Variants in PKD1L1 observed in about 807,000 individuals in gnomAD.
PKD1L1 encodes the protein polycystin 1 like 1, transient receptor potential channel interacting.
In PKD1L1, 236 loss-of-function variants were observed where a neutral mutation model predicts 323.4. The observed-to-expected ratio is 0.73, with a 90% CI of 0.66 to 0.81. The LOEUF (loss-of-function observed/expected upper bound fraction) is 0.81, where lower values mean the gene tolerates loss of function less well. PKD1L1 is among the 40% of genes least tolerant of loss of function. The pLI is 0.00. For synonymous variants in PKD1L1, 1,344 were observed against 1,335.0 expected (o/e 1.01, Z -0.15); for missense variants, 3,320 against 3,508.0 (o/e 0.95, Z 1.35).
intron 56 of PKD1L1, among the ~76,000 whole-genome samples, chr7:47,783,721 C>G (rs1472034064): frequency 6.6e-6 from 1 of 152,198 alleles, no homozygotes; most frequent in Non-Finnish European, 1.5e-5. Flanking sequence ...GATCCTTCAC[C>G]AGGGCCTTCA....
chr7:47,812,129 T>C, intron 49 of PKD1L1, 78 bp from the exon 50 acceptor site: 1 of 1,232,338 alleles, frequency 8.1e-7, no homozygotes, highest in East Asian at 2.5e-5. Context: ...CAGCTGCAGG[T>C]CCCATGCTGG....
At chr7:47,842,843 C>T in intron 34 of PKD1L1, 119 bp downstream of exon 34, 1 of 964,668 alleles carries the variant, frequency 1.0e-6, no homozygotes, top group Non-Finnish European at 1.5e-6. Flanking sequence ...TTTGCCTCAG[C>T]AATGAGATGA....
At chr7:47,943,570 A>T in intron 1 of PKD1L1, 59 bp from the exon 2 acceptor site, 1 of 1,282,872 alleles carries the variant, frequency 7.8e-7, no homozygotes, top group South Asian at 1.2e-5. Flanking sequence ...TTAATCACAG[A>T]CATCCTGTGA....
chr7:47,960,373 A>ACTGT, the PKD1L1 span, among the ~76,000 whole-genome samples: 89 of 70,436 alleles, frequency 1.3e-3, no homozygotes, highest in African/African-American at 4.9e-3. Flanking sequence ...CAATAAAAAA[A>ACTGT]AATTAAAAAA....
chr7:47,897,386 G>A (rs183777024), intron 14 of PKD1L1, among the ~76,000 whole-genome samples: 13 of 152,330 alleles, frequency 8.5e-5, no homozygotes, highest in African/African-American at 2.9e-4. Flanking sequence ...ACCAGGTTCT[G>A]CTCATTATCC....
rs56742103 is a variant in PKD1L1 at position 47,880,167 on chromosome 7, T to TAG, written c.3520+559_3520+560dup. On this transcript the variant is annotated intron_variant, in intron 21 of 56. Coordinates refer to ENST00000289672, the MANE Select transcript of PKD1L1 (RefSeq NM_138295.5). ...CAATAACACCTTTCTAGGGTTTAAATAGAGAGAGAGAGAGAGAGAGAGATT... is the reference window on the plus strand; with the variant it reads ...CAATAACACCTTTCTAGGGTTTAAATAGAGAGAGAGAGAGAGAGAGAGAGATT... Among the ~76,000 whole-genome samples the TAG allele has an allele frequency of 2.1e-3, 282 of 133,146 alleles. 2 individuals are homozygous for TAG. Among genetic ancestry groups the TAG allele is most frequent in the South Asian group, 0.011 (44 of 4,128 alleles). 87.3% of individuals were successfully genotyped at this position (133,146 alleles called of 152,430 possible). A position where few individuals can be genotyped will look rare whatever the true frequency, so the allele number is the denominator to read the frequency against.
chr7:47,810,230 A>G (rs908061194), intron 50 of PKD1L1, among the ~76,000 whole-genome samples: 1 of 152,202 alleles, frequency 6.6e-6, no homozygotes. Flanking sequence ...GGAGCTACAC[A>G]CATAATCAAA....
intron 21 of PKD1L1, 84 bp from the exon 22 acceptor site, chr7:47,877,715 T>A (rs950128944): frequency 4.8e-6 from 7 of 1,467,818 alleles, no homozygotes; most frequent in Non-Finnish European, 6.4e-6. Flanking sequence ...ATAAACCTTA[T>A]AGCAGGGGTT....
intron 39 of PKD1L1, 98 bp from the exon 40 acceptor site, chr7:47,834,483 G>T: frequency 1.0e-6 from 1 of 958,392 alleles, no homozygotes; most frequent in Non-Finnish European, 1.6e-6. Flanking sequence ...ACTTTCTTCA[G>T]CAAATACTCT....
intron 56 of PKD1L1, 130 bp downstream of exon 56, chr7:47,792,497 A>G (rs1268877158): frequency 2.2e-6 from 2 of 895,298 alleles, no homozygotes; most frequent in Non-Finnish European, 3.3e-6. Flanking sequence ...ATATCTTATC[A>G]GCAGTATGAT....
chr7:47,885,938 T>A lies in PKD1L1; in HGVS notation c.2953A>T (p.Thr985Ser). The A allele has an allele frequency of 3.7e-6, 6 of 1,614,134 alleles. No individual in the cohort carries two copies. The highest frequency in any genetic ancestry group is 4.2e-6 in the Non-Finnish European group (5 of 1,180,016). The change falls in exon 18 of 57, where the codon ACC becomes TCC. Residue 985 changes from threonine to serine, a missense_variant. Coordinates refer to ENST00000289672, the MANE Select transcript of PKD1L1 (RefSeq NM_138295.5). ...EPGTADPDAT[T>S]TPFSREPSPV... ...GAAGGTTCCCGTGAGAATGGTGTGGTCGTTGCATCAGGATCTGCAGTGCCA... is the reference window on the plus strand; with the variant it reads ...GAAGGTTCCCGTGAGAATGGTGTGGACGTTGCATCAGGATCTGCAGTGCCA...
At chr7:47,781,409 GT>G (rs60759497) in intron 56 of PKD1L1, among the ~76,000 whole-genome samples, 2,180 of 71,682 alleles carry the variant, frequency 0.03, 21 homozygotes, top group African/African-American at 0.1. Context: ...GTTTTGTTTT[GT>G]TTTTTTTTTT....
Position 47,885,954 on chromosome 7 carries a change from T to C in PKD1L1, c.2937A>G (p.Ala979=). Residue 979 remains alanine, a synonymous_variant, in exon 18 of 57, where the codon GCA becomes GCG. Coordinates refer to ENST00000289672, the MANE Select transcript of PKD1L1 (RefSeq NM_138295.5). ...LNLLPTEPGT[A]DPDATTTPFS... ...ATGGTGTGGTCGTTGCATCAGGATC[T>C]GCAGTGCCAGGCTCAGTGGGCAGCA... 1 of 1,614,216 alleles carries C rather than the reference T, an allele frequency of 6.2e-7. No individual in the cohort carries two copies. The highest frequency in any genetic ancestry group is 8.5e-7 in the Non-Finnish European group (1 of 1,180,046).
At chr7:47,859,507 C>A (rs1785978523) in intron 26 of PKD1L1, among the ~76,000 whole-genome samples, 1 of 151,794 alleles carries the variant, frequency 6.6e-6, no homozygotes, top group South Asian at 2.1e-4. Flanking sequence ...GAGATGGGGT[C>A]TCACTCTGTC....
chr7:47,835,066 AAGCGTGTTCCCC>A, intron 38 of PKD1L1, 27 bp from the exon 39 acceptor site: 2 of 1,612,684 alleles, frequency 1.2e-6, no homozygotes, highest in South Asian at 2.2e-5. Flanking sequence ...GTGGTTCGCC[AAGCGTGTTCCCC>A]AGCAATGAAG....
At chr7:47,811,719 G>C (rs1784900089) in intron 50 of PKD1L1, 98 bp downstream of exon 50, 1 of 911,380 alleles carries the variant, frequency 1.1e-6, no homozygotes, top group African/African-American at 1.7e-5. Flanking sequence ...GCAGGTGAAT[G>C]GGTAGGGAAC....
chr7:47,788,583 T>A (rs1457411867), intron 56 of PKD1L1, among the ~76,000 whole-genome samples: 7 of 122,028 alleles, frequency 5.7e-5, no homozygotes, highest in Admixed American at 1.7e-4. Flanking sequence ...ATATATTTTT[T>A]TTTTTTAATT....
intron 52 of PKD1L1, among the ~76,000 whole-genome samples, chr7:47,806,520 A>G (rs935862554): frequency 1.3e-5 from 2 of 152,232 alleles, no homozygotes; most frequent in African/African-American, 4.8e-5. Context: ...TCTGTCCCAG[A>G]GAGAGATGCC....
chr7:47,942,454 C>CA, intron 2 of PKD1L1, among the ~76,000 whole-genome samples: 1 of 152,098 alleles, frequency 6.6e-6, no homozygotes, highest in African/African-American at 2.4e-5. Flanking sequence ...CCCGCCCCCC[C>CA]ACTCCATTTA....
Sources: allele counts gnomAD v4.1 joint callset (sites outside exome capture counted in the v4.1 genomes callset), GRCh38; gene constraint gnomAD v4.1.1; transcripts MANE v1.5; gene names NCBI Gene and HGNC (gene_info 2026-07-23, HGNC 2026-07-21).